The following LDB2 variants were observed in gnomAD, a reference collection of about 807,000 sequenced individuals.
LDB2 encodes the protein LIM domain-binding protein 2.
Under a neutral mutation model 44.3 loss-of-function variants are expected in LDB2, and 12 were observed. That is an observed-to-expected ratio of 0.27 (90% CI 0.17 to 0.44). The LOEUF (loss-of-function observed/expected upper bound fraction) is 0.44, where lower values mean the gene tolerates loss of function less well. Ranked by LOEUF, LDB2 falls within the 20% of genes least tolerant of loss-of-function variation. LDB2 has a pLI of 1.00. For missense variants in LDB2, 344 were observed against 473.5 expected, an observed-to-expected ratio of 0.73 and a Z score of 2.54; for synonymous variants, 164 against 174.8, an observed-to-expected ratio of 0.94 and a Z score of 0.49.
chr4:16,739,319 G>T lies in LDB2; in HGVS notation c.235+19839C>A, dbSNP rs575398585. On this transcript the variant is annotated intron_variant, in intron 2 of 7. Coordinates refer to ENST00000304523, the MANE Select transcript of LDB2 (RefSeq NM_001290.5). ...ATATTAAAGTAGGCCAGGAATGGTG[G>T]CTCATGACTGTAATCCCACCGCTTT... is the stretch of plus-strand genomic sequence containing the variant. Among the ~76,000 whole-genome samples the T allele has an allele frequency of 3.3e-5, 5 of 151,542 alleles. No homozygotes were observed. In the South Asian group the frequency reaches 1.0e-3, roughly 32 times the overall value.
At chr4:16,565,129 G>A (rs188972407) in intron 5 of LDB2, among the ~76,000 whole-genome samples, 24 of 152,238 alleles carry the variant, frequency 1.6e-4, no homozygotes, top group African/African-American at 5.3e-4. Context: ...TTTACAGACA[G>A]GAAAATCAGC....
chr4:16,784,811 G>A (rs933663746), intron 1 of LDB2, among the ~76,000 whole-genome samples: 1 of 152,016 alleles, frequency 6.6e-6, no homozygotes, highest in Non-Finnish European at 1.5e-5. Context: ...TATACCCTAT[G>A]CACTCTGCAT....
chr4:16,663,313 C>T (rs1455324951), intron 2 of LDB2, among the ~76,000 whole-genome samples: 1 of 152,206 alleles, frequency 6.6e-6, no homozygotes, highest in Admixed American at 6.5e-5. Flanking sequence ...ATTTACAGCA[C>T]TTACCAATTT....
intron 5 of LDB2, among the ~76,000 whole-genome samples, chr4:16,515,153 G>A (rs534276036): frequency 1.3e-5 from 2 of 152,312 alleles, no homozygotes; most frequent in South Asian, 4.1e-4. Flanking sequence ...GATGCAGCTG[G>A]AGTCCATTAT....
At chr4:16,802,489 T>C (rs539319721) in intron 1 of LDB2, among the ~76,000 whole-genome samples, 1 of 152,304 alleles carries the variant, frequency 6.6e-6, no homozygotes, top group South Asian at 2.1e-4. Flanking sequence ...GCTAGAGAGC[T>C]GCATCTCATT....
At chr4:16,530,840 A>G (rs1729899301) in intron 5 of LDB2, among the ~76,000 whole-genome samples, 1 of 152,326 alleles carries the variant, frequency 6.6e-6, no homozygotes, top group Middle Eastern at 3.4e-3. Context: ...CTGTTACTCC[A>G]TCTAGACAGC....
At chr4:16,526,712 C>A (rs1728380855) in intron 5 of LDB2, among the ~76,000 whole-genome samples, 1 of 152,092 alleles carries the variant, frequency 6.6e-6, no homozygotes, top group Non-Finnish European at 1.5e-5. Flanking sequence ...GTGCCAGGAG[C>A]CAAGGAATGT....
intron 1 of LDB2, among the ~76,000 whole-genome samples, chr4:16,827,680 T>C (rs547750329): frequency 6.6e-6 from 1 of 152,312 alleles, no homozygotes; most frequent in East Asian, 1.9e-4. Flanking sequence ...AGTTCAATAT[T>C]CACATTTTGC....
At chr4:16,829,353 G>C (rs2110033956) in intron 1 of LDB2, among the ~76,000 whole-genome samples, 1 of 152,186 alleles carries the variant, frequency 6.6e-6, no homozygotes, top group East Asian at 1.9e-4. Context: ...ACAAAACAGA[G>C]AAACTGACAC....
rs541223569 is a variant in LDB2 at position 16,586,788 on chromosome 4, T to C, written c.532-783A>G. Among the ~76,000 whole-genome samples the C allele has an allele frequency of 1.2e-4, 19 of 152,334 alleles. 1 individual carries two copies. The highest frequency in any genetic ancestry group is 1.1e-3 in the Admixed American group (17 of 15,310). ...ATTTTAAAATGACTCTCTTGGTTGA[T>C]ATTCTTTCTTTCTGTTTGCCTTTCC... On this transcript the variant is annotated intron_variant, in intron 4 of 7. Transcript: ENST00000304523.
chr4:16,570,617 T>C (rs1251004802), intron 5 of LDB2, among the ~76,000 whole-genome samples: 2 of 149,318 alleles, frequency 1.3e-5, no homozygotes, highest in Non-Finnish European at 3.0e-5. Flanking sequence ...AAACAAATGA[T>C]GAGGTGTGAG....
intron 1 of LDB2, among the ~76,000 whole-genome samples, chr4:16,892,573 A>G (rs1723728559): frequency 6.6e-6 from 1 of 152,150 alleles, no homozygotes; most frequent in Non-Finnish European, 1.5e-5. Context: ...GGTCAGTTAT[A>G]TTTTGAGGCC....
At chr4:16,872,021 G>T (rs1716818632) in intron 1 of LDB2, among the ~76,000 whole-genome samples, 1 of 151,808 alleles carries the variant, frequency 6.6e-6, no homozygotes, top group Non-Finnish European at 1.5e-5. Context: ...AGAATTAATT[G>T]GCTATACAGA....
At chr4:16,677,302 C>T (rs1746585664) in intron 2 of LDB2, among the ~76,000 whole-genome samples, 1 of 152,144 alleles carries the variant, frequency 6.6e-6, no homozygotes, top group East Asian at 1.9e-4. Flanking sequence ...GCTTACCTAA[C>T]AAAAGCAAAA....
chr4:16,858,493 C>T (rs1327622775), intron 1 of LDB2, among the ~76,000 whole-genome samples: 7 of 152,184 alleles, frequency 4.6e-5, no homozygotes, highest in Admixed American at 3.3e-4. Context: ...ACTTTTCCCC[C>T]ACAACAAACT....
rs983468183 is a variant in LDB2, at chr4:16,582,094, G to A, written c.615+3828C>T. On this transcript the variant is annotated intron_variant, in intron 5 of 7. Transcript: ENST00000304523. This position sits in a 1 kb window ranked among gnomAD's most constrained non-coding sequence, Gnocchi z 4.8. ...GCAAAGCATATAGCAGCAATGCCTG[G>A]CACATAGTAAGTGCCCCAGAAATGT... Among the ~76,000 whole-genome samples, 4 of 152,042 alleles carry A rather than the reference G, an allele frequency of 2.6e-5. No homozygotes were observed. The highest frequency in any genetic ancestry group is 9.7e-5 in the African/African-American group (4 of 41,386).
rs762272530 is a variant in LDB2 at position 16,745,286 on chromosome 4, A to G, written c.235+13872T>C. On this transcript the variant is annotated intron_variant, in intron 2 of 7. Coordinates refer to ENST00000304523, the MANE Select transcript of LDB2 (RefSeq NM_001290.5). ...TCACATCTCAGTTCCTGTTGGTCCAAATGAATGCAGGCTGAGGCAATGGCA... is the reference window on the plus strand; with the variant it reads ...TCACATCTCAGTTCCTGTTGGTCCAGATGAATGCAGGCTGAGGCAATGGCA... 2.6e-4 allele frequency among the ~76,000 whole-genome samples: 39 copies of G among 152,188 alleles called. 1 individual carries two copies. The highest frequency in any genetic ancestry group is 4.9e-4 in the Non-Finnish European group (33 of 68,034).
intron 5 of LDB2, among the ~76,000 whole-genome samples, chr4:16,548,195 A>G (rs2152341806): frequency 6.6e-6 from 1 of 152,288 alleles, no homozygotes; most frequent in South Asian, 2.1e-4. Context: ...ATAAAGACAC[A>G]GGCATGGAGC....
At chr4:16,540,050 T>G (rs1021635346) in intron 5 of LDB2, among the ~76,000 whole-genome samples, 1 of 152,182 alleles carries the variant, frequency 6.6e-6, no homozygotes, top group Admixed American at 6.5e-5. Flanking sequence ...AAGCATATCT[T>G]ATGATGGCAG....
Sources: gnomAD v4.1 joint callset for allele counts (sites outside exome capture counted in the v4.1 genomes callset) on GRCh38, gnomAD v4.1.1 for gene constraint, Gnocchi (gnomAD v3.1) non-coding constraint, MANE v1.5 for transcripts, NCBI Gene and HGNC (gene_info 2026-07-23, HGNC 2026-07-21) for gene names.